EDNRB: variants seen among roughly 807,000 people sequenced by gnomAD.
EDNRB encodes the protein Hirschsprung disease 2.
In EDNRB, 18 loss-of-function variants were observed where a neutral mutation model predicts 46.4. That is an observed-to-expected ratio of 0.39 (90% CI 0.27 to 0.57). The LOEUF (loss-of-function observed/expected upper bound fraction) is 0.57, where lower values mean the gene tolerates loss of function less well. Ranked by LOEUF, EDNRB falls within the 20% of genes least tolerant of loss-of-function variation. The pLI is 0.61. For synonymous variants in EDNRB, 213 were observed against 204.9 expected, an observed-to-expected ratio of 1.04 and a Z score of -0.34; for missense variants, 434 against 537.5, an observed-to-expected ratio of 0.81 and a Z score of 1.90.
chr13:77,919,647 C>T, upstream of EDNRB: 1 of 1,560,832 alleles, frequency 6.4e-7, no homozygotes. Flanking sequence ...CGCCAGACTC[C>T]TCCCGCGCCT....
chr13:77,959,957 A>G (rs1881356751), intron 1 of EDNRB, among the ~76,000 whole-genome samples: 1 of 152,254 alleles, frequency 6.6e-6, no homozygotes, highest in South Asian at 2.1e-4. Context: ...GATCAAATGA[A>G]TGAAATGAAG....
At chr13:77,907,269 T>C (rs1879328562) in intron 1 of EDNRB, among the ~76,000 whole-genome samples, 1 of 151,920 alleles carries the variant, frequency 6.6e-6, no homozygotes, top group Non-Finnish European at 1.5e-5. Flanking sequence ...CATTATCCAA[T>C]CTCTTGAGGG....
chr13:77,902,733 C>A (rs996674864), intron 3 of EDNRB, among the ~76,000 whole-genome samples: 3 of 152,024 alleles, frequency 2.0e-5, no homozygotes, highest in Admixed American at 2.0e-4. Flanking sequence ...ATAACACCCC[C>A]TTCCCCTCCC....
chr13:77,947,481 C>CT (rs1420528445), intron 1 of EDNRB: 1 of 151,962 alleles, frequency 6.6e-6, no homozygotes, highest in Non-Finnish European at 1.5e-5. Flanking sequence ...CTCTCTGAAA[C>CT]TTTGTCTTTT....
At chr13:77,906,464 T>C (rs1879284617) in intron 1 of EDNRB, among the ~76,000 whole-genome samples, 1 of 152,008 alleles carries the variant, frequency 6.6e-6, no homozygotes, top group Admixed American at 6.6e-5. Flanking sequence ...ATGAATACAA[T>C]GTGACAAAAG....
At chr13:77,938,348 G>A (rs1391145897) in intron 1 of EDNRB, among the ~76,000 whole-genome samples, 1 of 151,864 alleles carries the variant, frequency 6.6e-6, no homozygotes, top group Non-Finnish European at 1.5e-5. Context: ...GAGATAAGAG[G>A]TCGGGGTATG....
Position 77,956,836 on chromosome 13 carries a change from C to T in EDNRB, c.-52+18511G>A, listed in dbSNP as rs142796335. Among the ~76,000 whole-genome samples the T allele has an allele frequency of 4.4e-3, 672 of 152,296 alleles. 5 individuals carry two copies. Among genetic ancestry groups the T allele is most frequent in the African/African-American group, 0.015 (640 of 41,570 alleles). On this transcript the variant is annotated intron_variant, in intron 1 of 7. Transcript: ENST00000646948. ...GGGTTGAAGCCTTTCCAAGCCACAT[C>T]ACTATGACATTGTCTTCTGCCTATC...
chr13:77,908,043 A>AAAAAGAG (rs4052535), intron 1 of EDNRB, among the ~76,000 whole-genome samples: 1,439 of 72,500 alleles, frequency 0.02, 115 homozygotes, highest in Middle Eastern at 0.053. Flanking sequence ...AAAAAAAAAA[A>AAAAAGAG]AGAGAGAGAG....
At chr13:77,943,741 C>G (rs775487941) in intron 1 of EDNRB, among the ~76,000 whole-genome samples, 1 of 151,978 alleles carries the variant, frequency 6.6e-6, no homozygotes, top group African/African-American at 2.4e-5. Context: ...CTTCTATTGG[C>G]TTTTTCACCT....
intron 4 of EDNRB, 125 bp downstream of exon 4, chr13:77,900,933 G>T: frequency 8.3e-7 from 1 of 1,198,686 alleles, no homozygotes; most frequent in East Asian, 2.6e-5. Context: ...AAAACTACCA[G>T]AAACAAGAAA....
chr13:77,933,969 C>T (rs1176567220), intron 1 of EDNRB, among the ~76,000 whole-genome samples: 1 of 152,102 alleles, frequency 6.6e-6, no homozygotes, highest in African/African-American at 2.4e-5. Context: ...TGGGAGGACC[C>T]AGGACATCTG....
At chr13:77,953,135 C>T (rs1881138894) in intron 1 of EDNRB, among the ~76,000 whole-genome samples, 1 of 152,100 alleles carries the variant, frequency 6.6e-6, no homozygotes, top group Non-Finnish European at 1.5e-5. Context: ...AACCACTACC[C>T]CAAACAACAC....
At chr13:77,960,393 A>G (rs1177529279) in intron 1 of EDNRB, among the ~76,000 whole-genome samples, 1 of 152,182 alleles carries the variant, frequency 6.6e-6, no homozygotes, top group Non-Finnish European at 1.5e-5. Flanking sequence ...CAACATTATT[A>G]AAGAAAAGAA....
chr13:77,942,382 AG>A (rs1232017577), intron 1 of EDNRB, among the ~76,000 whole-genome samples: 1 of 152,186 alleles, frequency 6.6e-6, no homozygotes, highest in Admixed American at 6.5e-5. Flanking sequence ...AACATTTTAG[AG>A]GGAAAGAGGT....
chr13:77,903,082 T>A, intron 3 of EDNRB, 74 bp downstream of exon 3: 1 of 1,496,300 alleles, frequency 6.7e-7, no homozygotes, highest in East Asian at 2.3e-5. Context: ...TCCCAAGGAG[T>A]GGGGAACAGG....
intron 1 of EDNRB, among the ~76,000 whole-genome samples, chr13:77,946,019 C>T (rs562596753): frequency 6.6e-6 from 1 of 152,242 alleles, no homozygotes; most frequent in South Asian, 2.1e-4. Context: ...GTTCAGTATT[C>T]CTTGAAAAAT....
At chr13:77,899,162 G>T (rs146422016) in intron 6 of EDNRB, among the ~76,000 whole-genome samples, 5 of 151,968 alleles carry the variant, frequency 3.3e-5, no homozygotes, top group African/African-American at 1.2e-4. Context: ...TTATGAGTGG[G>T]CGAAGAATGT....
At chr13:77,940,397 A>G (rs1880709095) in intron 1 of EDNRB, among the ~76,000 whole-genome samples, 1 of 152,118 alleles carries the variant, frequency 6.6e-6, no homozygotes, top group Non-Finnish European at 1.5e-5. Context: ...TTCTCCAGGT[A>G]AAAATGGAGA....
intron 1 of EDNRB, chr13:77,947,784 T>C (rs1337055655): frequency 2.6e-5 from 4 of 151,374 alleles, no homozygotes; most frequent in African/African-American, 4.9e-5. Context: ...AATTAATTTT[T>C]TTTTTTTTTT....
Sources: allele counts gnomAD v4.1 joint callset (sites outside exome capture counted in the v4.1 genomes callset), GRCh38; gene constraint gnomAD v4.1.1; transcripts MANE v1.5; gene names NCBI Gene and HGNC (gene_info 2026-07-23, HGNC 2026-07-21).